The following PHLDB2 variants were observed in gnomAD, a reference collection of about 807,000 sequenced individuals.
PHLDB2 encodes the protein pleckstrin homology like domain family B member 2, also known as pleckstrin homology-like domain family B member 2.
A neutral mutation model predicts 123.6 loss-of-function variants in PHLDB2; 71 were observed. That is an observed-to-expected ratio of 0.57 (90% confidence interval 0.47 to 0.70). PHLDB2 has a LOEUF of 0.70. Ranked by LOEUF, PHLDB2 falls within the 30% of genes least tolerant of loss-of-function variation. PHLDB2 has a pLI of 0.00. For missense variants in PHLDB2, 1,446 were observed against 1,519.5 expected, an observed-to-expected ratio of 0.95 and a Z score of 0.80; for synonymous variants, 547 against 541.6, an observed-to-expected ratio of 1.01 and a Z score of -0.14.
chr3:111,836,299 G>T (rs1011925534), intron 1 of PHLDB2, among the ~76,000 whole-genome samples: 1 of 152,180 alleles, frequency 6.6e-6, no homozygotes, highest in Non-Finnish European at 1.5e-5. Flanking sequence ...GTCCCCAACA[G>T]AGCACAGTGC....
At chr3:111,772,190 G>A (rs1396275608) in intron 1 of PHLDB2, among the ~76,000 whole-genome samples, 1 of 152,048 alleles carries the variant, frequency 6.6e-6, no homozygotes, top group African/African-American at 2.4e-5. Context: ...ACTTAAAATG[G>A]CTCAAAACCT....
At chr3:111,893,621 T>A (rs1235417060) in intron 2 of PHLDB2, among the ~76,000 whole-genome samples, 1 of 151,804 alleles carries the variant, frequency 6.6e-6, no homozygotes, top group Non-Finnish European at 1.5e-5. Context: ...ATTTCCCTAA[T>A]GTTTAAAATA....
chr3:111,850,861 G>A (rs1415992734), intron 2 of PHLDB2, among the ~76,000 whole-genome samples: 1 of 152,082 alleles, frequency 6.6e-6, no homozygotes, highest in Non-Finnish European at 1.5e-5. Flanking sequence ...AGAATTTATT[G>A]AGCACTAACA....
chr3:111,849,954 CG>C (rs2064177361), intron 2 of PHLDB2, among the ~76,000 whole-genome samples: 1 of 151,810 alleles, frequency 6.6e-6, no homozygotes, highest in African/African-American at 2.4e-5. Context: ...CTCCGCCTCC[CG>C]GGTTCACGCC....
rs149247026 is a variant in PHLDB2 at position 111,884,947 on chromosome 3, T to C, written c.870T>C (p.Asp290=). The change falls in exon 2 of 18, where the codon GAT becomes GAC. Residue 290 remains aspartate (D), a synonymous_variant. Coordinates refer to ENST00000431670, the MANE Select transcript of PHLDB2 (RefSeq NM_001134438.2). ...AACGAACAAAACTTGGGGAAAAGGATCTACCTCATAGCGTAATAGACAATG... is the reference window on the plus strand; with the variant it reads ...AACGAACAAAACTTGGGGAAAAGGACCTACCTCATAGCGTAATAGACAATG... ...NSKRTKLGEK[D]LPHSVIDNDN... The C allele has an allele frequency of 3.7e-6, 6 of 1,613,918 alleles. No individual in the cohort carries two copies. Among genetic ancestry groups the C allele is most frequent in the Non-Finnish European group, 5.1e-6 (6 of 1,180,012 alleles).
At chr3:111,945,037 A>G (rs1284080537) in intron 8 of PHLDB2, among the ~76,000 whole-genome samples, 1 of 152,188 alleles carries the variant, frequency 6.6e-6, no homozygotes, top group East Asian at 1.9e-4. Context: ...ATTTATTAGG[A>G]ATTAAAGGTT....
At chr3:111,765,296 A>G (rs147090519) in intron 1 of PHLDB2, among the ~76,000 whole-genome samples, 19 of 152,218 alleles carry the variant, frequency 1.2e-4, no homozygotes, top group Non-Finnish European at 2.6e-4. Context: ...CCAAACACCA[A>G]TGGAAGAAGA....
At chr3:111,930,687 C>T (rs755818363) in intron 5 of PHLDB2, among the ~76,000 whole-genome samples, 1 of 152,164 alleles carries the variant, frequency 6.6e-6, no homozygotes, top group South Asian at 2.1e-4. Context: ...GATTAGCACA[C>T]GTGGGCATCC....
intron 12 of PHLDB2, chr3:111,960,208 G>A (rs990581525): frequency 3.6e-6 from 3 of 838,874 alleles, no homozygotes; most frequent in Admixed American, 6.2e-5. Context: ...GAATTATTTC[G>A]CCTTCCTTAA....
At chr3:111,968,312 T>C (rs2071935914) in intron 15 of PHLDB2, among the ~76,000 whole-genome samples, 2 of 152,156 alleles carry the variant, frequency 1.3e-5, no homozygotes, top group African/African-American at 4.8e-5. Flanking sequence ...GGTGGTAGTG[T>C]TTTGTCTTTT....
At chr3:111,913,985 G>A (rs1397419354) in intron 3 of PHLDB2, 3 of 379,424 alleles carry the variant, frequency 7.9e-6, no homozygotes, top group African/African-American at 6.1e-5. Flanking sequence ...ATAAGCAGGT[G>A]TAAAACTGGT....
chr3:111,847,221 G>T (rs1336603900), intron 2 of PHLDB2, among the ~76,000 whole-genome samples: 1 of 152,136 alleles, frequency 6.6e-6, no homozygotes, highest in Non-Finnish European at 1.5e-5. Flanking sequence ...TCTAAGCATT[G>T]GAGTGATGAG....
chr3:111,745,459 T>G (rs1336222729), intron 1 of PHLDB2, among the ~76,000 whole-genome samples: 1 of 152,174 alleles, frequency 6.6e-6, no homozygotes, highest in Non-Finnish European at 1.5e-5. Flanking sequence ...TTGGAGAGGT[T>G]GAAGCATTAA....
At chr3:111,890,663 T>A (rs1245398600) in intron 2 of PHLDB2, among the ~76,000 whole-genome samples, 1 of 152,172 alleles carries the variant, frequency 6.6e-6, no homozygotes, top group African/African-American at 2.4e-5. Flanking sequence ...TCACCTGGAT[T>A]TTTTTTAATG....
intron 1 of PHLDB2, among the ~76,000 whole-genome samples, chr3:111,822,189 G>A (rs928674954): frequency 1.3e-5 from 2 of 151,744 alleles, no homozygotes; most frequent in African/African-American, 4.8e-5. Flanking sequence ...ACCTGAGGTA[G>A]TATATTTAGG....
intron 12 of PHLDB2, 122 bp downstream of exon 12, chr3:111,954,151 C>T: frequency 1.3e-6 from 1 of 771,004 alleles, no homozygotes; most frequent in Non-Finnish European, 2.1e-6. Context: ...CCTAATTTTA[C>T]TCTTAATGTG....
At chr3:111,928,924 A>G (rs2068955562) in intron 5 of PHLDB2, among the ~76,000 whole-genome samples, 1 of 152,150 alleles carries the variant, frequency 6.6e-6, no homozygotes, top group African/African-American at 2.4e-5. Flanking sequence ...AATTCCTTCT[A>G]ATCTTAATTT....
rs1559924610 is a variant in PHLDB2 at position 111,962,177 on chromosome 3, A to G, written c.2942A>G (p.Glu981Gly). Residue 981 changes from glutamate to glycine, a missense_variant, in exon 13 of 18, where the codon GAA (glutamate) becomes GGA (glycine). Physicochemically the swap from Glu to Gly is moderately conservative, Grantham distance 98 (BLOSUM62 -2). This residue lies in a region of PHLDB2 where 594 missense variants were observed against 646.0 expected (regional missense o/e 0.92). Transcript: ENST00000431670. ...KSEFYNRTASESNVYLNSFHY... is the reference protein window; with the variant it reads ...KSEFYNRTASGSNVYLNSFHY... ...GAATTTTATAACCGCACAGCATCTGAATCAAATGTCTACTTGAATAGTTTC... is the reference window on the plus strand; with the variant it reads ...GAATTTTATAACCGCACAGCATCTGGATCAAATGTCTACTTGAATAGTTTC... 1.3e-6 allele frequency: 2 copies of G among 1,585,000 alleles called. No individual in the cohort carries two copies. The highest frequency in any genetic ancestry group is 2.2e-5 in the East Asian group (1 of 44,452).
At chr3:111,735,970 A>G (rs895440880) in intron 1 of PHLDB2, among the ~76,000 whole-genome samples, 1 of 152,218 alleles carries the variant, frequency 6.6e-6, no homozygotes, top group Non-Finnish European at 1.5e-5. Flanking sequence ...TAAATGTAGA[A>G]GAGTAAAAAA....
Sources: gnomAD v4.1 joint callset for allele counts (sites outside exome capture counted in the v4.1 genomes callset) on GRCh38, gnomAD v4.1.1 for gene constraint, gnomAD v4.1.1 regional missense constraint, MANE v1.5 for transcripts, NCBI Gene and HGNC (gene_info 2026-07-23, HGNC 2026-07-21) for gene names.